ELMO1: variants seen among roughly 807,000 people sequenced by gnomAD.
The protein encoded by ELMO1 is engulfment and cell motility 1, also known as engulfment and cell motility protein 1.
ELMO1 carries 26 observed loss-of-function variants against 98.9 expected under a neutral mutation model. That is an observed-to-expected ratio of 0.26 (90% CI 0.19 to 0.36). The LOEUF is 0.36. ELMO1 is among the 10% of genes least tolerant of loss of function. The probability of loss-of-function intolerance (pLI) is 1.00; values close to 1 mark genes in which losing one functional copy is unlikely to be tolerated. For synonymous variants in ELMO1, 346 were observed against 346.0 expected (o/e 1.00, Z 0.00); for missense variants, 627 against 935.2 (o/e 0.67, Z 4.30).
chr7:37,319,622 T>A (rs527469118), intron 2 of ELMO1, among the ~76,000 whole-genome samples: 6 of 152,164 alleles, frequency 3.9e-5, no homozygotes, highest in Non-Finnish European at 8.8e-5. Context: ...AATCGTACCT[T>A]CCATCAGTTC....
At chr7:36,896,133 T>C (rs1805978861) in intron 16 of ELMO1, among the ~76,000 whole-genome samples, 1 of 152,200 alleles carries the variant, frequency 6.6e-6, no homozygotes, top group South Asian at 2.1e-4. Flanking sequence ...CACCCTGCTA[T>C]ATGTTGAATT....
intron 13 of ELMO1, among the ~76,000 whole-genome samples, chr7:37,140,247 G>T (rs193078252): frequency 6.6e-6 from 1 of 151,662 alleles, no homozygotes; most frequent in Non-Finnish European, 1.5e-5. Flanking sequence ...TTAGCTGGGC[G>T]TGGTGGCAGG....
At position 37,267,009 on chromosome 7, in the gene ELMO1, T is replaced by A. The variant is rs143999553; in HGVS notation, c.243+4823A>T. Among the ~76,000 whole-genome samples, 725 of 86,274 alleles carry A rather than the reference T, an allele frequency of 8.4e-3. 3 individuals are homozygous for A. The highest frequency in any genetic ancestry group is 0.013 in the Non-Finnish European group (563 of 42,072). 56.6% of individuals were successfully genotyped at this position (86,274 alleles called of 152,430 possible). ...GCCTGGGCGACAGAGCAAGACTCCA[T>A]CTAAAAAAAAAAAAAAAATATGTAT... On this transcript the variant is annotated intron_variant, in intron 5 of 21. Coordinates refer to ENST00000310758, the MANE Select transcript of ELMO1 (RefSeq NM_014800.11).
Position 37,259,209 on chromosome 7 carries a change from GGA to G in ELMO1, c.383_384del (p.Leu128ProfsTer10). ...QEFINLDGISLLTQMVESGTE... is the reference protein window; with the variant it reads ...QEFINLDGISXLTQMVESGTE... ...GTGCCGCTCTCCACCATCTGCGTGAGGAGAGAGATACCGTCCAGGTTTATAAA... is the reference window on the plus strand; with the variant it reads ...GTGCCGCTCTCCACCATCTGCGTGAGGAGAGATACCGTCCAGGTTTATAAA... On this transcript the variant is annotated frameshift_variant, in exon 6 of 22. Coordinates refer to ENST00000310758, the MANE Select transcript of ELMO1 (RefSeq NM_014800.11). LOFTEE classifies it high-confidence loss of function. The G allele has an allele frequency of 6.2e-7, 1 of 1,614,074 alleles. No individual in the cohort carries two copies. Among genetic ancestry groups the G allele is most frequent in the Non-Finnish European group, 8.5e-7 (1 of 1,179,972 alleles).
At chr7:37,104,769 C>T (rs961870107) in intron 14 of ELMO1, among the ~76,000 whole-genome samples, 2 of 151,178 alleles carry the variant, frequency 1.3e-5, no homozygotes, top group Middle Eastern at 6.8e-3. Flanking sequence ...AAACTTAAAG[C>T]GATATTTCCA....
chr7:36,971,887 G>C (rs1411563347), intron 16 of ELMO1, among the ~76,000 whole-genome samples: 1 of 152,150 alleles, frequency 6.6e-6, no homozygotes, highest in East Asian at 1.9e-4. Context: ...TAAAACAAGA[G>C]AAAAGACAAG....
At chr7:37,247,895 A>ATG (rs58502667) in intron 6 of ELMO1, among the ~76,000 whole-genome samples, 80,668 of 146,462 alleles carry the variant, frequency 0.55, 23,825 homozygotes, top group Non-Finnish European at 0.69. Context: ...TTGAAATAAA[A>ATG]TGTGTGTGTG....
At chr7:37,313,661 CCT>C (rs1799002682) in intron 4 of ELMO1, among the ~76,000 whole-genome samples, 1 of 152,182 alleles carries the variant, frequency 6.6e-6, no homozygotes, top group Admixed American at 6.5e-5. Flanking sequence ...GCCTTTGAGG[CCT>C]CTCTCCTGCT....
chr7:37,145,037 C>T (rs1280015278), intron 13 of ELMO1, among the ~76,000 whole-genome samples: 1 of 152,182 alleles, frequency 6.6e-6, no homozygotes, highest in African/African-American at 2.4e-5. Flanking sequence ...AACTGAGCCC[C>T]TGGTGGAGAG....
chr7:37,369,986 TA>T (rs1407114960), intron 1 of ELMO1, among the ~76,000 whole-genome samples: 2 of 152,220 alleles, frequency 1.3e-5, no homozygotes, highest in Admixed American at 6.5e-5. Context: ...AGAAAACTTC[TA>T]AAAGAAATGC....
At chr7:37,383,351 C>A (rs1240836775) in intron 1 of ELMO1, among the ~76,000 whole-genome samples, 2 of 152,186 alleles carry the variant, frequency 1.3e-5, no homozygotes, top group African/African-American at 4.8e-5. Flanking sequence ...TAACATCTCG[C>A]CTCACAGTGA....
At position 37,234,837 on chromosome 7, in the gene ELMO1, AT is replaced by A. The variant is rs771656251; in HGVS notation, c.450-1644del. 9.2e-5 allele frequency among the ~76,000 whole-genome samples: 14 copies of A among 152,356 alleles called. No individual in the cohort carries two copies. The East Asian group carries it at 1.9e-3, about 21-fold the overall frequency. The stretch of plus-strand genomic sequence containing the variant: ...TACATTCTCACTATGCAAAAGTGAG[AT>A]TTTTAAAACGTGAATGAAGGACAAG... On this transcript the variant is annotated intron_variant, in intron 7 of 21. Coordinates refer to ENST00000310758, the MANE Select transcript of ELMO1 (RefSeq NM_014800.11).
At chr7:37,379,100 C>T (rs768730702) in intron 1 of ELMO1, among the ~76,000 whole-genome samples, 1 of 151,810 alleles carries the variant, frequency 6.6e-6, no homozygotes, top group East Asian at 1.9e-4. Flanking sequence ...AGTGCAGTGG[C>T]GTGACCTCAG....
chr7:37,014,612 T>A (rs1440760261), intron 15 of ELMO1, among the ~76,000 whole-genome samples: 1 of 152,030 alleles, frequency 6.6e-6, no homozygotes, highest in Non-Finnish European at 1.5e-5. Context: ...GTCCTAATGC[T>A]CTCTATCCCC....
intron 15 of ELMO1, among the ~76,000 whole-genome samples, chr7:37,065,403 C>G (rs1490629719): frequency 6.6e-6 from 1 of 152,188 alleles, no homozygotes; most frequent in East Asian, 1.9e-4. Flanking sequence ...ACTGCGCTAG[C>G]TAAGGACTCC....
intron 16 of ELMO1, among the ~76,000 whole-genome samples, chr7:36,998,840 A>T (rs1257897038): frequency 6.6e-6 from 1 of 152,072 alleles, no homozygotes; most frequent in African/African-American, 2.4e-5. Flanking sequence ...GCAGTGGATT[A>T]ATACATGAAA....
At chr7:37,184,356 G>A (rs1279058201) in intron 13 of ELMO1, among the ~76,000 whole-genome samples, 1 of 152,140 alleles carries the variant, frequency 6.6e-6, no homozygotes, top group Non-Finnish European at 1.5e-5. Flanking sequence ...CCATGCATGT[G>A]TGGTTCAGAG....
At chr7:37,438,618 G>C (rs1308314881) in intron 1 of ELMO1, among the ~76,000 whole-genome samples, 1 of 151,442 alleles carries the variant, frequency 6.6e-6, no homozygotes, top group Non-Finnish European at 1.5e-5. Context: ...AAACACTACT[G>C]AATCAGTGAT....
At chr7:37,330,704 C>T (rs1334195188) in intron 2 of ELMO1, among the ~76,000 whole-genome samples, 2 of 152,164 alleles carry the variant, frequency 1.3e-5, no homozygotes, top group South Asian at 2.1e-4. Flanking sequence ...ATTTTTCTTC[C>T]TCACAATTTC....
Sources: allele counts gnomAD v4.1 joint callset (sites outside exome capture counted in the v4.1 genomes callset), GRCh38; gene constraint gnomAD v4.1.1; transcripts MANE v1.5; gene names NCBI Gene and HGNC (gene_info 2026-07-23, HGNC 2026-07-21).